WDR19: variants seen among roughly 807,000 people sequenced by gnomAD.
The protein encoded by WDR19 is WD repeat domain 19.
A neutral mutation model predicts 180.0 loss-of-function variants in WDR19; 121 were observed. That is an observed-to-expected ratio of 0.67 (90% CI 0.58 to 0.78). The LOEUF (loss-of-function observed/expected upper bound fraction) is 0.78. Among genes scored for constraint, WDR19 ranks in the 30% least tolerant of loss-of-function variants. The pLI is 0.00. For missense variants in WDR19, 1,450 were observed against 1,640.7 expected, an observed-to-expected ratio of 0.88 and a Z score of 2.01; for synonymous variants, 497 against 540.7, an observed-to-expected ratio of 0.92 and a Z score of 1.12.
rs187444423 is a variant in WDR19 at position 39,187,444 on chromosome 4, A to G, written c.164+840A>G. 2.9e-3 allele frequency among the ~76,000 whole-genome samples: 439 copies of G among 150,074 alleles called. 3 individuals carry two copies. The highest frequency in any genetic ancestry group is 9.7e-3 in the African/African-American group (397 of 41,120). On this transcript the variant is annotated intron_variant, in intron 3 of 36. Coordinates refer to ENST00000399820, the MANE Select transcript of WDR19 (RefSeq NM_025132.4). ...CAAAAAAAAAAAAAAAAAAAGATGT[A>G]TAGAGTCCCTCACCTAAACTGACTT... is the stretch of plus-strand genomic sequence containing the variant.
chr4:39,277,705 T>G (rs1736036493), intron 34 of WDR19, among the ~76,000 whole-genome samples: 1 of 152,188 alleles, frequency 6.6e-6, no homozygotes, highest in Non-Finnish European at 1.5e-5. Flanking sequence ...ACATGTGAAA[T>G]AGCAATGATT....
chr4:39,283,838 T>C (rs574851338), intron 36 of WDR19, among the ~76,000 whole-genome samples: 2 of 152,340 alleles, frequency 1.3e-5, no homozygotes, highest in East Asian at 3.9e-4. Flanking sequence ...TGTGCAGGTT[T>C]GCTGGTGACT....
intron 9 of WDR19, among the ~76,000 whole-genome samples, chr4:39,214,064 C>A (rs1337740774): frequency 6.6e-6 from 1 of 152,150 alleles, no homozygotes; most frequent in Non-Finnish European, 1.5e-5. Context: ...TCATTTACAT[C>A]AACTTACTTA....
intron 20 of WDR19, among the ~76,000 whole-genome samples, chr4:39,236,531 G>A (rs147788719): frequency 6.6e-6 from 1 of 152,168 alleles, no homozygotes; most frequent in East Asian, 1.9e-4. Flanking sequence ...AATTACCTGG[G>A]TACACTTAAA....
intron 26 of WDR19, among the ~76,000 whole-genome samples, chr4:39,254,445 A>G (rs978008967): frequency 1.3e-5 from 2 of 152,202 alleles, no homozygotes; most frequent in African/African-American, 4.8e-5. Flanking sequence ...GAACAGTGAT[A>G]TACACAAGAT....
At chr4:39,235,000 A>G (rs1164864211) in intron 20 of WDR19, 125 bp downstream of exon 20, 1 of 589,878 alleles carries the variant, frequency 1.7e-6, no homozygotes, top group Admixed American at 3.2e-5. Flanking sequence ...AAAATACTGT[A>G]TTAATTATAT....
chr4:39,228,722 T>C (rs1237855519), intron 17 of WDR19, 32 bp downstream of exon 17: 3 of 1,495,080 alleles, frequency 2.0e-6, no homozygotes, highest in Middle Eastern at 1.8e-4. Flanking sequence ...TTGGAACTTC[T>C]CATTTGCTTT....
chr4:39,239,562 A>T (rs1338157835), intron 20 of WDR19, among the ~76,000 whole-genome samples: 1 of 152,162 alleles, frequency 6.6e-6, no homozygotes, highest in East Asian at 1.9e-4. Flanking sequence ...TAGCTAATAC[A>T]TGCTAGGCTT....
At chr4:39,230,491 G>T (rs75441932) in intron 17 of WDR19, among the ~76,000 whole-genome samples, 1 of 152,110 alleles carries the variant, frequency 6.6e-6, no homozygotes, top group Non-Finnish European at 1.5e-5. Context: ...GTCTTTTGAC[G>T]TCTCTAAGCC....
At chr4:39,195,404 A>AC (rs1194395298) in intron 5 of WDR19, among the ~76,000 whole-genome samples, 54 of 151,512 alleles carry the variant, frequency 3.6e-4, no homozygotes, top group African/African-American at 1.2e-3. Context: ...ACAAAAAAAA[A>AC]CATTTACTGC....
rs752269243 is a variant in WDR19 at position 39,232,280 on chromosome 4, A to C, written c.2253+8A>C. ...CCTATTGCTGCCCTGGAGGTATGGC[A>C]GCAAGTAAGAATGGAAATTGTGTAA... On this transcript the variant is annotated splice_region_variant and intron_variant, in intron 19 of 36. Coordinates refer to ENST00000399820, the MANE Select transcript of WDR19 (RefSeq NM_025132.4). The C allele has an allele frequency of 6.3e-7, 1 of 1,588,756 alleles. No individual in the cohort carries two copies. The highest frequency in any genetic ancestry group is 8.6e-7 in the Non-Finnish European group (1 of 1,166,962).
At position 39,205,204 on chromosome 4, in the gene WDR19, A is replaced by G. The variant is rs1397584279; in HGVS notation, c.654A>G (p.Glu218=). The G allele has an allele frequency of 6.2e-7, 1 of 1,602,724 alleles. No individual in the cohort carries two copies. The change falls in exon 8 of 37, where the codon GAA becomes GAG. Residue 218 remains glutamate, a synonymous_variant. Transcript: ENST00000399820. ...CTTTGTTTTTTTTAAATCTGAATGAACCAGATAACCCAGCTGATCTTGAAT... is the reference window on the plus strand; with the variant it reads ...CTTTGTTTTTTTTAAATCTGAATGAGCCAGATAACCCAGCTGATCTTGAAT... ...KKTLFFLNLN[E]PDNPADLEFQ... is the part of the protein sequence containing the mutation.
At chr4:39,277,741 A>C (rs1474724613) in intron 34 of WDR19, among the ~76,000 whole-genome samples, 2 of 152,180 alleles carry the variant, frequency 1.3e-5, no homozygotes, top group Admixed American at 6.5e-5. Flanking sequence ...CTGACTTATA[A>C]CTGGAATTCA....
chr4:39,223,207 A>G (rs567385049), intron 14 of WDR19, among the ~76,000 whole-genome samples: 12 of 152,352 alleles, frequency 7.9e-5, no homozygotes, highest in South Asian at 4.1e-4. Flanking sequence ...GCACAACTCT[A>G]TGAATATACA....
At chr4:39,280,775 G>A (rs775885131) in intron 36 of WDR19, among the ~76,000 whole-genome samples, 5 of 152,154 alleles carry the variant, frequency 3.3e-5, no homozygotes, top group Non-Finnish European at 7.3e-5. Context: ...GCAACATAGC[G>A]AGATCCCATC....
intron 21 of WDR19, among the ~76,000 whole-genome samples, chr4:39,242,988 T>G (rs924468600): frequency 6.6e-6 from 1 of 152,004 alleles, no homozygotes; most frequent in African/African-American, 2.4e-5. Context: ...AATTTAAAAA[T>G]AAAAAATTAG....
chr4:39,193,601 T>C lies in WDR19; in HGVS notation c.291-943T>C, dbSNP rs546685205. Among the ~76,000 whole-genome samples the C allele has an allele frequency of 3.3e-5, 5 of 152,340 alleles. No homozygotes were observed. The East Asian group carries it at 9.6e-4, about 29-fold the overall frequency. ...ACAAACTCAACTTGTATCAAATAAG[T>C]ATGTAATTTTTAATCCTCAAATTCT... On this transcript the variant is annotated intron_variant, in intron 4 of 36. Coordinates refer to ENST00000399820, the MANE Select transcript of WDR19 (RefSeq NM_025132.4).
At position 39,270,005 on chromosome 4, in the gene WDR19, T is replaced by C; in HGVS notation, c.3388T>C (p.Phe1130Leu). The C allele has an allele frequency of 6.2e-7, 1 of 1,613,962 alleles. No individual in the cohort carries two copies. Among genetic ancestry groups the C allele is most frequent in the Non-Finnish European group, 8.5e-7 (1 of 1,179,868 alleles). The change falls in exon 31 of 37, where the codon TTC becomes CTC. Residue 1130 changes from phenylalanine to leucine, a missense_variant. Coordinates refer to ENST00000399820, the MANE Select transcript of WDR19 (RefSeq NM_025132.4). ...CTACCGGAATGCACACGATGTTCTC[T>C]TCAGTATGTATGCAGAACTGAAATC... ...GNYRNAHDVL[F>L]SMYAELKSQK...
At chr4:39,278,012 C>A (rs1736072541) in intron 34 of WDR19, 119 bp from the exon 35 acceptor site, 1 of 801,448 alleles carries the variant, frequency 1.2e-6, no homozygotes, top group Non-Finnish European at 2.0e-6. Flanking sequence ...CAACAATGTG[C>A]CACTGCACTC....
Sources: gnomAD v4.1 joint callset for allele counts (sites outside exome capture counted in the v4.1 genomes callset) on GRCh38, gnomAD v4.1.1 for gene constraint, MANE v1.5 for transcripts, NCBI Gene and HGNC (gene_info 2026-07-23, HGNC 2026-07-21) for gene names.